The following GSG1L variants were observed in gnomAD, a reference collection of about 807,000 sequenced individuals.
GSG1L encodes the protein GSG1 like, also known as germ cell-specific gene 1-like protein.
A neutral mutation model predicts 42.1 loss-of-function variants in GSG1L; 24 were observed. The ratio of observed to expected loss-of-function variants is 0.57; its 90% confidence interval spans 0.41 to 0.80. The LOEUF (loss-of-function observed/expected upper bound fraction) is 0.80. Among genes scored for constraint, GSG1L ranks in the 30% least tolerant of loss-of-function variants. The probability of loss-of-function intolerance (pLI) is 0.00; values close to 1 mark genes in which losing one functional copy is unlikely to be tolerated. For missense variants in GSG1L, 445 were observed against 472.2 expected (o/e 0.94, Z 0.53); for synonymous variants, 215 against 203.5 (o/e 1.06, Z -0.48).
chr16:27,998,763 A>C (rs746042191), intron 1 of GSG1L, among the ~76,000 whole-genome samples: 11 of 152,124 alleles, frequency 7.2e-5, no homozygotes, highest in Admixed American at 2.0e-4. Flanking sequence ...CAGCCTGAGC[A>C]ACAGAGTGAA....
At chr16:28,003,354 C>T (rs531171552) in intron 1 of GSG1L, among the ~76,000 whole-genome samples, 1 of 152,328 alleles carries the variant, frequency 6.6e-6, no homozygotes, top group South Asian at 2.1e-4. Flanking sequence ...GGACGGGAGC[C>T]ATGGGAGCTG....
In GSG1L at chr16:28,040,364, T is replaced by C. The variant is rs1381743441; in HGVS notation, c.349+22712A>G. Among the ~76,000 whole-genome samples, 2 of 152,120 alleles carry C rather than the reference T, an allele frequency of 1.3e-5. No individual in the cohort carries two copies. Among genetic ancestry groups the C allele is most frequent in the East Asian group, 1.9e-4 (1 of 5,194 alleles). On this transcript the variant is annotated intron_variant, in intron 1 of 6. Transcript: ENST00000447459. This position sits in a 1 kb window ranked among gnomAD's most constrained non-coding sequence, Gnocchi z 4.1. ...CCTCCCTCTTCTCAATCACTCTCCA[T>C]CCCATCACTTCTCTTTTCTTTCACT...
At position 27,791,317 on chromosome 16, in the gene GSG1L, AG is replaced by A; in HGVS notation, c.*52del. On this transcript the variant is annotated 3_prime_UTR_variant, in exon 7 of 7. Transcript: ENST00000447459. The stretch of plus-strand genomic sequence containing the variant: ...GGCACCACTCTGGTGGTCTTGCAGC[AG>A]GGGCTGGTGCCAGCGATGGCCTGAG... 8.5e-7 allele frequency: 1 copy of A among 1,178,336 alleles called. No individual in the cohort carries two copies. The highest frequency in any genetic ancestry group is 1.1e-6 in the Non-Finnish European group (1 of 883,164). The allele number at this position is 1,178,336 out of a possible 1,614,324, so 73.0% of individuals were successfully genotyped here. A position where few individuals can be genotyped will look rare whatever the true frequency, so the allele number is the denominator to read the frequency against.
chr16:28,017,892 G>A (rs996812550), intron 1 of GSG1L, among the ~76,000 whole-genome samples: 1 of 152,166 alleles, frequency 6.6e-6, no homozygotes, highest in African/African-American at 2.4e-5. Flanking sequence ...GACGGGATGT[G>A]ATGGGGAGGG....
Position 27,788,973 on chromosome 16 carries a change from A to C in GSG1L, c.*2397T>G, listed in dbSNP as rs1354593707. On this transcript the variant is annotated 3_prime_UTR_variant, in exon 7 of 7. Transcript: ENST00000447459. ...CAGCATCCCACCTCAAGTGCCTACC[A>C]CAGTGCTTGGCACATAGTAGGGGCA... The C allele has an allele frequency of 3.9e-5, 6 of 152,266 alleles. No individual in the cohort carries two copies. The highest frequency in any genetic ancestry group is 8.8e-5 in the Non-Finnish European group (6 of 68,050). 9.4% of individuals were successfully genotyped at this position (152,266 alleles called of 1,614,324 possible). A position where few individuals can be genotyped will look rare whatever the true frequency, so the allele number is the denominator to read the frequency against.
chr16:28,060,272 C>A (rs1176080801), intron 1 of GSG1L, among the ~76,000 whole-genome samples: 1 of 152,026 alleles, frequency 6.6e-6, no homozygotes, highest in Non-Finnish European at 1.5e-5. Context: ...GTTGTCATGG[C>A]AACAAAAGTT....
chr16:27,865,558 TATATATATATATATACACACACAC>T lies in GSG1L; in HGVS notation c.550+18904_550+18927del, dbSNP rs1224634703. ...ATATATATATATATATATATATATATATATATATATATATACACACACACATACATACATACACACACATATATA... is the reference window on the plus strand; with the variant it reads ...ATATATATATATATATATATATATATATACATACATACACACACATATATA... On this transcript the variant is annotated intron_variant, in intron 3 of 6. Transcript: ENST00000447459. Among the ~76,000 whole-genome samples, 51 of 22,692 alleles carry T rather than the reference TATATATATATATATACACACACAC, an allele frequency of 2.2e-3. 2 individuals are homozygous for T. The highest frequency in any genetic ancestry group is 0.014 in the African/African-American group (41 of 2,994). The allele number at this position is 22,692 out of a possible 152,430, so 14.9% of individuals were successfully genotyped here. A position where few individuals can be genotyped will look rare whatever the true frequency, so the allele number is the denominator to read the frequency against.
Position 27,791,424 on chromosome 16 carries a change from T to A in GSG1L, c.942A>T (p.Ala314=), listed in dbSNP as rs1331728095. The change falls in exon 7 of 7, where the codon GCA becomes GCT. Residue 314 remains alanine (A), a synonymous_variant. Coordinates refer to ENST00000447459, the MANE Select transcript of GSG1L (RefSeq NM_001109763.2). ...GTCGGTTCAGCTCTGGTGCTTCCTGTGCGGAGCTCCGGGGCCAGGAATCCG... is the reference window on the plus strand; with the variant it reads ...GTCGGTTCAGCTCTGGTGCTTCCTGAGCGGAGCTCCGGGGCCAGGAATCCG... ...HMADSWPRSS[A]QEAPELNRQC... The A allele has an allele frequency of 6.5e-7, 1 of 1,529,614 alleles. No individual in the cohort carries two copies. Among genetic ancestry groups the A allele is most frequent in the Admixed American group, 1.9e-5 (1 of 51,676 alleles). The allele number at this position is 1,529,614 out of a possible 1,614,324, so 94.8% of individuals were successfully genotyped here. A position where few individuals can be genotyped will look rare whatever the true frequency, so the allele number is the denominator to read the frequency against.
intron 2 of GSG1L, among the ~76,000 whole-genome samples, chr16:27,914,495 G>A (rs1037051247): frequency 1.3e-5 from 2 of 151,506 alleles, no homozygotes; most frequent in Admixed American, 6.6e-5. Context: ...TTTTAGAAGC[G>A]TTTTCTCTTT....
chr16:27,947,694 A>C (rs562153658), intron 2 of GSG1L, among the ~76,000 whole-genome samples: 19 of 152,304 alleles, frequency 1.2e-4, no homozygotes, highest in African/African-American at 4.6e-4. Flanking sequence ...TGTATATGTC[A>C]GGGTCGGGCT....
At chr16:27,839,822 G>T (rs1340210370) in intron 4 of GSG1L, among the ~76,000 whole-genome samples, 1 of 152,086 alleles carries the variant, frequency 6.6e-6, no homozygotes, top group Non-Finnish European at 1.5e-5. Context: ...ACAATGGCAG[G>T]CCTAAGAAAT....
At chr16:27,999,627 A>G (rs2085560176) in intron 1 of GSG1L, among the ~76,000 whole-genome samples, 2 of 152,220 alleles carry the variant, frequency 1.3e-5, no homozygotes, top group African/African-American at 4.8e-5. Flanking sequence ...CTAAGCTCTT[A>G]TAAGCTCTGC....
At chr16:27,946,664 GAAA>G (rs2084875139) in intron 2 of GSG1L, among the ~76,000 whole-genome samples, 4 of 134,476 alleles carry the variant, frequency 3.0e-5, no homozygotes, top group African/African-American at 1.1e-4. Context: ...AGAAAAGAAA[GAAA>G]GAAAGAAAGA....
chr16:27,933,648 CAAAAAA>C (rs55936452), intron 2 of GSG1L, among the ~76,000 whole-genome samples: 3 of 94,676 alleles, frequency 3.2e-5, no homozygotes, highest in Admixed American at 1.3e-4. Context: ...GACTTTGTCA[CAAAAAA>C]AAAAAAAAAA....
intron 1 of GSG1L, among the ~76,000 whole-genome samples, chr16:28,009,945 CA>C (rs1331149986): frequency 6.6e-6 from 1 of 152,210 alleles, no homozygotes; most frequent in African/African-American, 2.4e-5. Context: ...AATGTTTTGA[CA>C]AGAGCTTCAG....
chr16:27,911,280 T>TCTCTCTC (rs1555507792), intron 2 of GSG1L, among the ~76,000 whole-genome samples: 5 of 144,180 alleles, frequency 3.5e-5, no homozygotes, highest in Non-Finnish European at 6.0e-5. Context: ...TCTCTCTCTC[T>TCTCTCTC]CTCTCTCTCT....
intron 1 of GSG1L, among the ~76,000 whole-genome samples, chr16:28,017,474 G>A (rs760222458): frequency 2.6e-5 from 4 of 152,192 alleles, no homozygotes; most frequent in African/African-American, 7.2e-5. Context: ...AAAGGAATCC[G>A]TGCCAGAGCA....
intron 5 of GSG1L, among the ~76,000 whole-genome samples, chr16:27,816,060 G>A (rs1363749): frequency 0.77 from 116,829 of 152,108 alleles, 45,062 homozygotes; most frequent in African/African-American, 0.82. Context: ...CCATATTATT[G>A]TTACTGTTGT....
At chr16:27,942,433 AG>A (rs1201118233) in intron 2 of GSG1L, among the ~76,000 whole-genome samples, 1 of 107,360 alleles carries the variant, frequency 9.3e-6, no homozygotes, top group Non-Finnish European at 2.1e-5. Flanking sequence ...TATAGACGTG[AG>A]CCACCGCACC....
Sources: gnomAD v4.1 joint callset for allele counts (sites outside exome capture counted in the v4.1 genomes callset) on GRCh38, gnomAD v4.1.1 for gene constraint, Gnocchi (gnomAD v3.1) non-coding constraint, MANE v1.5 for transcripts, NCBI Gene and HGNC (gene_info 2026-07-23, HGNC 2026-07-21) for gene names.